PKD2: variants seen among roughly 807,000 people sequenced by gnomAD.
PKD2 encodes polycystin-2.
In PKD2, 48 loss-of-function variants were observed where a neutral mutation model predicts 105.9. The observed-to-expected ratio is 0.45, with a 90% CI of 0.36 to 0.58. The LOEUF (loss-of-function observed/expected upper bound fraction) is 0.58. Ranked by LOEUF, PKD2 falls within the 20% of genes least tolerant of loss-of-function variation. The pLI is 0.00. For synonymous variants in PKD2, 464 were observed against 481.1 expected, an observed-to-expected ratio of 0.96 and a Z score of 0.46; for missense variants, 1,078 against 1,255.3, an observed-to-expected ratio of 0.86 and a Z score of 2.13.
chr4:88,049,952 T>A (rs1410971976), intron 6 of PKD2, among the ~76,000 whole-genome samples: 2 of 151,400 alleles, frequency 1.3e-5, no homozygotes, highest in Non-Finnish European at 2.9e-5. Context: ...GACCACTTGC[T>A]AGGTTGTACA....
rs993897345 is a variant in PKD2 at position 88,075,506 on chromosome 4, C to T, written c.2719C>T (p.Arg907Trp). 77 of 1,613,970 alleles carry T rather than the reference C, an allele frequency of 4.8e-5. No individual in the cohort carries two copies. The highest frequency in any genetic ancestry group is 8.8e-5 in the South Asian group (8 of 91,084). The change falls in exon 15 of 15, where the codon CGG (arginine) becomes TGG (tryptophan). Residue 907 changes from arginine to tryptophan, a missense_variant. Transcript: ENST00000237596. ...DSEIHREQME[R>W]LVREELERWE... is the part of the protein sequence containing the mutation. ...TGAAATCCATAGGGAACAGATGGAA[C>T]GGCTAGTACGTGAAGAGTTGGAACG...
chr4:88,028,925 C>G (rs1156774272), intron 2 of PKD2, among the ~76,000 whole-genome samples: 21 of 152,318 alleles, frequency 1.4e-4, no homozygotes, highest in Non-Finnish European at 2.9e-5. Context: ...CTCAAAAGCA[C>G]TTGTGTCAAC....
intron 1 of PKD2, among the ~76,000 whole-genome samples, chr4:88,012,566 A>G (rs545422787): frequency 1.8e-4 from 28 of 152,354 alleles, no homozygotes; most frequent in African/African-American, 5.8e-4. Context: ...TGAAATATAC[A>G]TAACATAAAA....
chr4:88,057,398 C>T (rs143172028), intron 8 of PKD2, among the ~76,000 whole-genome samples: 68 of 151,070 alleles, frequency 4.5e-4, no homozygotes, highest in African/African-American at 1.5e-3. Flanking sequence ...ATGTTATAGC[C>T]AATTGCTTTA....
chr4:88,039,702 C>G (rs371078123), intron 4 of PKD2, among the ~76,000 whole-genome samples: 31 of 150,868 alleles, frequency 2.1e-4, no homozygotes, highest in African/African-American at 7.3e-4. Flanking sequence ...AAATCCAGAG[C>G]TTTAGAACAA....
At chr4:88,046,575 C>A in intron 5 of PKD2, 67 bp from the exon 6 acceptor site, 1 of 934,836 alleles carries the variant, frequency 1.1e-6, no homozygotes, top group Non-Finnish European at 1.8e-6. Context: ...AACAGATGGA[C>A]ATCCATTCCT....
intron 13 of PKD2, among the ~76,000 whole-genome samples, chr4:88,069,750 C>A (rs192544484): frequency 1.7e-3 from 253 of 151,900 alleles, no homozygotes; most frequent in African/African-American, 5.7e-3. Context: ...GTATATTAAC[C>A]TACTTTTTTA....
At chr4:88,008,656 G>GA (rs1726280722) in intron 1 of PKD2, among the ~76,000 whole-genome samples, 1 of 151,596 alleles carries the variant, frequency 6.6e-6, no homozygotes, top group Non-Finnish European at 1.5e-5. Flanking sequence ...TCTTGTAGAG[G>GA]AAAAAATGAA....
Position 88,036,205 on chromosome 4 carries a change from C to A in PKD2, c.710-15C>A. Reference sequence around the variant, plus strand: ...GTTCCCTTGGGGCGTTCATTTGGATCTTTCTGTGTTCCAGTGACCTACGGC... The same window carrying A: ...GTTCCCTTGGGGCGTTCATTTGGATATTTCTGTGTTCCAGTGACCTACGGC... On this transcript the variant is annotated splice_polypyrimidine_tract_variant and intron_variant, in intron 2 of 14. Transcript: ENST00000237596. 1 of 1,613,750 alleles carries A rather than the reference C, an allele frequency of 6.2e-7. No individual in the cohort carries two copies. Among genetic ancestry groups the A allele is most frequent in the Non-Finnish European group, 8.5e-7 (1 of 1,179,792 alleles).
rs368090546 is a variant in PKD2 at position 88,030,203 on chromosome 4, G to A, written c.710-6017G>A. Reference sequence around the variant, plus strand: ...GTCTCACTCTGTCACCCAGGCTGGGGTGCAGTGGCATGAACACAGCTCACT... The same window carrying A: ...GTCTCACTCTGTCACCCAGGCTGGGATGCAGTGGCATGAACACAGCTCACT... On this transcript the variant is annotated intron_variant, in intron 2 of 14. Transcript: ENST00000237596. Among the ~76,000 whole-genome samples, 3 of 152,196 alleles carry A rather than the reference G, an allele frequency of 2.0e-5. No individual in the cohort carries two copies. In the South Asian group the frequency reaches 6.2e-4, roughly 32 times the overall value.
intron 6 of PKD2, among the ~76,000 whole-genome samples, chr4:88,049,344 ATTGCC>A (rs1276117275): frequency 6.6e-6 from 1 of 152,226 alleles, no homozygotes; most frequent in East Asian, 1.9e-4. Flanking sequence ...AGCCCAGTGA[ATTGCC>A]TTGCACCTGC....
chr4:88,034,832 G>T (rs755392495), intron 2 of PKD2, among the ~76,000 whole-genome samples: 50 of 152,204 alleles, frequency 3.3e-4, no homozygotes, highest in Non-Finnish European at 6.0e-4. Context: ...CAGAACTGTG[G>T]TTTAAAAAAT....
In PKD2 at chr4:88,052,097, CA is replaced by C; in HGVS notation, c.1656del (p.Tyr553IlefsTer9). 6.2e-7 allele frequency: 1 copy of C among 1,607,040 alleles called. No individual in the cohort carries two copies. ...ACTTTCCCCAACTTTGAGCATCTGG[CA>C]TATTGGCAGATACAGTTCAACAATA... is the stretch of plus-strand genomic sequence containing the variant. ...QNTFPNFEHL[A>X]YWQIQFNNIA... On this transcript the variant is annotated frameshift_variant, in exon 7 of 15. Coordinates refer to ENST00000237596, the MANE Select transcript of PKD2 (RefSeq NM_000297.4). LOFTEE classifies it high-confidence loss of function.
intron 13 of PKD2, among the ~76,000 whole-genome samples, chr4:88,070,577 TA>T (rs1300362781): frequency 0.12 from 9,195 of 79,742 alleles, 449 homozygotes; most frequent in East Asian, 0.26. Context: ...ATTTATTTTA[TA>T]TATATATATA....
intron 2 of PKD2, among the ~76,000 whole-genome samples, chr4:88,022,965 C>G (rs575228157): frequency 1.6e-4 from 24 of 152,104 alleles, no homozygotes; most frequent in Admixed American, 9.2e-4. Flanking sequence ...CCTGTAGTCC[C>G]AGCCACCCAG....
chr4:88,070,242 T>C (rs1051412720), intron 13 of PKD2, among the ~76,000 whole-genome samples: 22 of 152,186 alleles, frequency 1.4e-4, no homozygotes, highest in Middle Eastern at 3.2e-3. Context: ...GACTCAATTT[T>C]CTCTCACCAC....
intron 1 of PKD2, among the ~76,000 whole-genome samples, chr4:88,012,047 A>C (rs553669486): frequency 2.7e-4 from 41 of 152,058 alleles, no homozygotes; most frequent in African/African-American, 6.5e-4. Context: ...CAGCCACCCC[A>C]CACACACACA....
intron 8 of PKD2, among the ~76,000 whole-genome samples, chr4:88,056,476 C>T (rs1254191847): frequency 2.0e-5 from 3 of 152,100 alleles, no homozygotes; most frequent in African/African-American, 7.2e-5. Flanking sequence ...GATAGCAGCC[C>T]AAAGTAGTAA....
At chr4:88,050,974 G>A (rs1720075141) in intron 6 of PKD2, among the ~76,000 whole-genome samples, 1 of 152,196 alleles carries the variant, frequency 6.6e-6, no homozygotes, top group African/African-American at 2.4e-5. Context: ...TTCCTAAGAA[G>A]AGAGAATGGA....
Sources: gnomAD v4.1 joint callset for allele counts (sites outside exome capture counted in the v4.1 genomes callset) on GRCh38, gnomAD v4.1.1 for gene constraint, MANE v1.5 for transcripts, NCBI Gene and HGNC (gene_info 2026-07-23, HGNC 2026-07-21) for gene names.